Variants in SPATA1 observed in about 807,000 individuals in gnomAD.
SPATA1 encodes spermatogenesis-associated protein 1.
Under a neutral mutation model 59.6 loss-of-function variants are expected in SPATA1, and 57 were observed. The ratio of observed to expected loss-of-function variants is 0.96; its 90% CI spans 0.77 to 1.19. The LOEUF (loss-of-function observed/expected upper bound fraction) is 1.19, where lower values mean the gene tolerates loss of function less well. Among genes scored for constraint, SPATA1 ranks in the 50% most tolerant of loss-of-function variants. The probability of loss-of-function intolerance (pLI) is 0.00; values close to 1 mark genes in which losing one functional copy is unlikely to be tolerated. For missense variants in SPATA1, 448 were observed against 480.7 expected (o/e 0.93, Z 0.64); for synonymous variants, 147 against 163.9 (o/e 0.90, Z 0.79).
At chr1:84,544,228 A>G in exon 9 of SPATA1, 1 of 1,600,968 alleles carries the variant, frequency 6.2e-7, no homozygotes, top group South Asian at 1.1e-5. Flanking sequence ...ACATCACCCT[A>G]CCAGATCACC....
chr1:84,509,284 G>A (rs1044403771), intron 1 of SPATA1, among the ~76,000 whole-genome samples: 2 of 151,700 alleles, frequency 1.3e-5, no homozygotes, highest in Non-Finnish European at 1.5e-5. Flanking sequence ...CAGTGAACTC[G>A]TTTTTTACGA....
intron 4 of SPATA1, among the ~76,000 whole-genome samples, chr1:84,562,591 T>G (rs17111498): frequency 0.069 from 10,495 of 152,224 alleles, 542 homozygotes; most frequent in African/African-American, 0.13. Context: ...ACTTAGATTT[T>G]TGAGCTGTGG....
intron 11 of SPATA1, 30 bp from the exon 12 acceptor site, chr1:84,550,402 T>C (rs765293431): frequency 1.7e-6 from 2 of 1,182,888 alleles, no homozygotes; most frequent in Non-Finnish European, 2.3e-6. Flanking sequence ...TTATATGTTA[T>C]ACTAAATAAA....
At chr1:84,549,033 T>A in intron 11 of SPATA1, 69 bp downstream of exon 11, 1 of 1,368,316 alleles carries the variant, frequency 7.3e-7, no homozygotes, top group Non-Finnish European at 9.6e-7. Context: ...TAAGTGCTAG[T>A]AGTATCACAA....
At chr1:84,545,938 T>C (rs1405567305) in intron 10 of SPATA1, among the ~76,000 whole-genome samples, 179 bp downstream of exon 10, 1 of 152,240 alleles carries the variant, frequency 6.6e-6, no homozygotes, top group African/African-American at 2.4e-5. Flanking sequence ...CTCTACTTTA[T>C]AGAATAAATG....
chr1:84,528,736 C>T (rs1683336336), intron 6 of SPATA1, among the ~76,000 whole-genome samples: 1 of 152,156 alleles, frequency 6.6e-6, no homozygotes. Context: ...GTTCATTGTT[C>T]ATGTTCACGT....
rs148165295 is a variant in SPATA1 at position 84,511,118 on chromosome 1, A to G, written c.-138+4700A>G. ...GCACAAAAGGGTGATTATAGCCAAC[A>G]ATAATTTATTATACATTTTAAAATA... On this transcript the variant is annotated intron_variant, in intron 1 of 12. Coordinates refer to ENST00000490879, the Ensembl canonical transcript of SPATA1. Among the ~76,000 whole-genome samples the G allele has an allele frequency of 4.1e-3, 630 of 152,252 alleles. 10 individuals are homozygous for G. The highest frequency in any genetic ancestry group is 1.3e-3 in the Non-Finnish European group (86 of 67,984).
At position 84,522,386 on chromosome 1, in the gene SPATA1, T is replaced by G. The variant is rs768411407; in HGVS notation, c.144-4T>G. 1 of 1,431,096 alleles carries G rather than the reference T, an allele frequency of 7.0e-7. No homozygotes were observed. The highest frequency in any genetic ancestry group is 1.6e-5 in the South Asian group (1 of 62,344). The allele number at this position is 1,431,096 out of a possible 1,614,324, so 88.6% of individuals were successfully genotyped here. ...TATTATAAGGCAATTTTATAATATT[T>G]CAGAGTATCTCCTCAACTTACTTTA... On this transcript the variant is annotated splice_region_variant and splice_polypyrimidine_tract_variant and intron_variant, in intron 3 of 12. Coordinates refer to ENST00000490879, the Ensembl canonical transcript of SPATA1.
chr1:84,515,763 G>A (rs1012442273), intron 1 of SPATA1, among the ~76,000 whole-genome samples: 4 of 152,040 alleles, frequency 2.6e-5, no homozygotes, highest in African/African-American at 2.4e-5. Context: ...GATTGTTCAC[G>A]TTTTTTATTA....
intron 1 of SPATA1, among the ~76,000 whole-genome samples, chr1:84,513,842 A>AC: frequency 8.0e-6 from 1 of 125,032 alleles, no homozygotes; most frequent in Non-Finnish European, 1.6e-5. Flanking sequence ...TCTATATTCT[A>AC]TTTTTTTTTT....
In SPATA1 at chr1:84,517,987, T is replaced by C. The variant is rs143517149; in HGVS notation, c.36+1592T>C. ...ACAGGACACCACTTATGAAATATTA[T>C]TGCCGCAAGTAGTAACCTGTGTCCC... is the stretch of plus-strand genomic sequence containing the variant. On this transcript the variant is annotated intron_variant, in intron 2 of 12. Coordinates refer to ENST00000490879, the Ensembl canonical transcript of SPATA1. 5.0e-4 allele frequency among the ~76,000 whole-genome samples: 76 copies of C among 152,064 alleles called. 1 individual carries two copies. Among genetic ancestry groups the C allele is most frequent in the African/African-American group, 1.8e-3 (76 of 41,488 alleles).
chr1:84,560,116 A>AGAAAGAAAGAAAG (rs1200474225), intron 4 of SPATA1, among the ~76,000 whole-genome samples: 2 of 150,004 alleles, frequency 1.3e-5, no homozygotes, highest in Non-Finnish European at 3.0e-5. Context: ...AAAGAAAGAA[A>AGAAAGAAAGAAAG]GAAAGAAAGA....
At chr1:84,525,548 T>G in intron 4 of SPATA1, 148 bp from the exon 5 acceptor site, 1 of 624,750 alleles carries the variant, frequency 1.6e-6, no homozygotes, top group South Asian at 2.3e-5. Context: ...TAACATTATA[T>G]TCTACATTTC....
intron 4 of SPATA1, among the ~76,000 whole-genome samples, chr1:84,560,097 AAAAGAAAGAAAGAAAGAAAG>A (rs59549626): frequency 4.4e-5 from 5 of 114,714 alleles, no homozygotes; most frequent in Admixed American, 1.1e-4. Context: ...AAAAAAAAAA[AAAAGAAAGAAAGAAAGAAAG>A]AAAGAAAGAA....
At chr1:84,566,540 C>T (rs1036238154), downstream of SPATA1, among the ~76,000 whole-genome samples, 6 of 152,148 alleles carry the variant, frequency 3.9e-5, no homozygotes, top group South Asian at 2.1e-4. Flanking sequence ...TGGTGTCTTA[C>T]GGCCTACAGG....
At chr1:84,533,575 A>T in intron 7 of SPATA1, 134 bp from the exon 8 acceptor site, 1 of 676,894 alleles carries the variant, frequency 1.5e-6, no homozygotes, top group East Asian at 2.9e-5. Flanking sequence ...AACATATGAT[A>T]ATGGTCTCAG....
chr1:84,554,201 T>C (rs1684358532), exon 13 of SPATA1: 1 of 152,108 alleles, frequency 6.6e-6, no homozygotes, highest in Non-Finnish European at 1.5e-5. Flanking sequence ...AAATTATATA[T>C]GTCCATAAAT....
chr1:84,546,730 C>T (rs1684099068), intron 10 of SPATA1, among the ~76,000 whole-genome samples: 1 of 152,232 alleles, frequency 6.6e-6, no homozygotes, highest in South Asian at 2.1e-4. Context: ...GTCAAGATCA[C>T]CTTATATATC....
chr1:84,506,682 G>C (rs919121410), intron 1 of SPATA1: 3 of 152,712 alleles, frequency 2.0e-5, no homozygotes, highest in African/African-American at 7.2e-5. Flanking sequence ...CCCGAGTTTG[G>C]CCAACAGGCA....
Sources: gnomAD v4.1 joint callset for allele counts (sites outside exome capture counted in the v4.1 genomes callset) on GRCh38, gnomAD v4.1.1 for gene constraint, MANE v1.5 for transcripts, NCBI Gene and HGNC (gene_info 2026-07-23, HGNC 2026-07-21) for gene names.